Variants in GRIN2A observed in about 807,000 individuals in gnomAD.
GRIN2A encodes glutamate ionotropic receptor NMDA type subunit 2A.
GRIN2A carries 22 observed loss-of-function variants against 113.4 expected under a neutral mutation model. The ratio of observed to expected loss-of-function variants is 0.19; its 90% CI spans 0.14 to 0.28. The LOEUF is 0.28. Ranked by LOEUF, GRIN2A falls within the 10% of genes least tolerant of loss-of-function variation. The pLI, the probability that GRIN2A is intolerant of heterozygous loss-of-function variation, is 1.00. For missense variants in GRIN2A, 1,502 were observed against 1,887.0 expected (o/e 0.80, Z 3.78); for synonymous variants, 827 against 738.4 (o/e 1.12, Z -1.94).
At chr16:10,043,112 C>T (rs1221053516) in intron 2 of GRIN2A, among the ~76,000 whole-genome samples, 2 of 152,196 alleles carry the variant, frequency 1.3e-5, no homozygotes, top group Admixed American at 6.5e-5. Flanking sequence ...GTAATGGGCT[C>T]TCTGCATTTT....
intron 7 of GRIN2A, among the ~76,000 whole-genome samples, chr16:9,839,345 A>C (rs991671331): frequency 1.3e-5 from 2 of 152,172 alleles, no homozygotes; most frequent in African/African-American, 4.8e-5. Context: ...AGAGAAAAGC[A>C]GATGATAGAA....
At position 9,757,243 on chromosome 16, in the gene GRIN2A, T is replaced by C. The variant is rs777432351; in HGVS notation, c.*5906A>G. 24 of 219,650 alleles carry C rather than the reference T, an allele frequency of 1.1e-4. No individual in the cohort carries two copies. The highest frequency in any genetic ancestry group is 2.1e-4 in the Non-Finnish European group (23 of 109,580). The allele number at this position is 219,650 out of a possible 1,614,324, so 13.6% of individuals were successfully genotyped here. A position where few individuals can be genotyped will look rare whatever the true frequency, so the allele number is the denominator to read the frequency against. On this transcript the variant is annotated 3_prime_UTR_variant, in exon 13 of 13. Transcript: ENST00000330684. ...ATGTAGGAGTGTGAGTGTGTTCACC[T>C]GGTTAGCAGCTCCTGGGTCTCCTAA...
intron 3 of GRIN2A, among the ~76,000 whole-genome samples, chr16:9,930,190 C>A (rs1427625778): frequency 6.6e-6 from 1 of 152,152 alleles, no homozygotes; most frequent in Non-Finnish European, 1.5e-5. Flanking sequence ...TCAAGCTGTG[C>A]CTCTAGTCCA....
intron 2 of GRIN2A, among the ~76,000 whole-genome samples, chr16:10,080,095 T>G (rs1045479728): frequency 6.6e-6 from 1 of 152,190 alleles, no homozygotes; most frequent in Non-Finnish European, 1.5e-5. Context: ...AGTAAGTGCT[T>G]AATAAATGCC....
At chr16:9,898,933 A>G (rs947162398) in intron 3 of GRIN2A, among the ~76,000 whole-genome samples, 1 of 151,478 alleles carries the variant, frequency 6.6e-6, no homozygotes, top group South Asian at 2.1e-4. Flanking sequence ...ATCCCTCTTT[A>G]GTACAACTTC....
At chr16:10,062,191 G>A (rs905794632) in intron 2 of GRIN2A, among the ~76,000 whole-genome samples, 1 of 152,136 alleles carries the variant, frequency 6.6e-6, no homozygotes, top group African/African-American at 2.4e-5. Context: ...ACCTAAGGCA[G>A]GAGTTGATAA....
At chr16:9,984,028 A>G (rs2045938357) in intron 2 of GRIN2A, among the ~76,000 whole-genome samples, 1 of 152,184 alleles carries the variant, frequency 6.6e-6, no homozygotes, top group South Asian at 2.1e-4. Context: ...AATGTATACT[A>G]GTTCTCTTTC....
intron 2 of GRIN2A, among the ~76,000 whole-genome samples, chr16:10,098,933 TC>T (rs375862078): frequency 2.7e-4 from 29 of 106,224 alleles, no homozygotes; most frequent in African/African-American, 8.2e-4. Context: ...CTGTCCCCCC[TC>T]CCCCCCCCAA....
chr16:9,932,070 T>C (rs1357096006), intron 3 of GRIN2A, among the ~76,000 whole-genome samples: 1 of 152,222 alleles, frequency 6.6e-6, no homozygotes, highest in Non-Finnish European at 1.5e-5. Flanking sequence ...CCTACTCCTC[T>C]TGTTAGGTGC....
At chr16:9,921,811 C>T (rs2044364226) in intron 3 of GRIN2A, among the ~76,000 whole-genome samples, 2 of 152,118 alleles carry the variant, frequency 1.3e-5, no homozygotes, top group South Asian at 2.1e-4. Context: ...AAGCAATGCA[C>T]CTAGGTGTGG....
rs767326993 is a variant in GRIN2A at position 9,764,328 on chromosome 16, C to T, written c.3216G>A (p.Arg1072=). 1 of 1,614,098 alleles carries T rather than the reference C, an allele frequency of 6.2e-7. No homozygotes were observed. Among genetic ancestry groups the T allele is most frequent in the Admixed American group, 1.7e-5 (1 of 60,014 alleles). The change falls in exon 13 of 13, where the codon AGG becomes AGA. Residue 1072 remains arginine (R), a synonymous_variant. Transcript: ENST00000330684. The part of the protein sequence containing the change: ...SETSNRATCH[R]EPDNSKNHKT... Reference sequence around the variant, plus strand: ...TGTGGTTCTTACTGTTGTCAGGTTCCCTGTGGCACGTGGCCCGATTTGACG... The same window carrying T: ...TGTGGTTCTTACTGTTGTCAGGTTCTCTGTGGCACGTGGCCCGATTTGACG...
chr16:10,077,996 C>G (rs1338395916), intron 2 of GRIN2A, among the ~76,000 whole-genome samples: 1 of 152,202 alleles, frequency 6.6e-6, no homozygotes, highest in Non-Finnish European at 1.5e-5. Context: ...ATTTCTCTCT[C>G]TAAGCCTCTT....
At chr16:9,970,190 T>C (rs1033688503) in intron 2 of GRIN2A, among the ~76,000 whole-genome samples, 1 of 152,250 alleles carries the variant, frequency 6.6e-6, no homozygotes, top group African/African-American at 2.4e-5. Context: ...CTGCTAGGCC[T>C]CCAGGTGAAT....
At chr16:9,813,014 G>C (rs557348436) in intron 10 of GRIN2A, among the ~76,000 whole-genome samples, 1 of 152,340 alleles carries the variant, frequency 6.6e-6, no homozygotes, top group African/African-American at 2.4e-5. Context: ...ACAGAACAAA[G>C]CAATGCTCTT....
At chr16:10,047,087 G>A (rs1363225552) in intron 2 of GRIN2A, among the ~76,000 whole-genome samples, 1 of 152,168 alleles carries the variant, frequency 6.6e-6, no homozygotes, top group African/African-American at 2.4e-5. Context: ...TTGCCAAACA[G>A]AGAACATTTG....
At chr16:9,781,327 A>G (rs1280034466) in intron 11 of GRIN2A, among the ~76,000 whole-genome samples, 2 of 152,184 alleles carry the variant, frequency 1.3e-5, no homozygotes, top group Non-Finnish European at 2.9e-5. Flanking sequence ...AAATTGGTAC[A>G]TTGATCCACT....
chr16:9,963,687 G>A (rs574737943), intron 2 of GRIN2A, among the ~76,000 whole-genome samples: 2 of 152,172 alleles, frequency 1.3e-5, no homozygotes, highest in South Asian at 2.1e-4. Flanking sequence ...TAAACAAAAG[G>A]CTTTTAGATA....
chr16:9,791,241 G>A (rs77986824), intron 11 of GRIN2A, among the ~76,000 whole-genome samples: 2,298 of 152,176 alleles, frequency 0.015, 59 homozygotes, highest in African/African-American at 0.052. Flanking sequence ...ACAGAGGAGC[G>A]CAGAGGCTGA....
chr16:9,837,100 G>A (rs868062502), intron 7 of GRIN2A, among the ~76,000 whole-genome samples: 1 of 152,286 alleles, frequency 6.6e-6, no homozygotes, highest in East Asian at 1.9e-4. Flanking sequence ...ATCAGATTTT[G>A]AATGTTTTGG....
Sources: allele counts gnomAD v4.1 joint callset (sites outside exome capture counted in the v4.1 genomes callset), GRCh38; gene constraint gnomAD v4.1.1; transcripts MANE v1.5; gene names NCBI Gene and HGNC (gene_info 2026-07-23, HGNC 2026-07-21).